EML1: variants seen among roughly 807,000 people sequenced by gnomAD.
The protein encoded by EML1 is echinoderm microtubule-associated protein-like 1.
EML1 carries 27 observed loss-of-function variants against 110.4 expected under a neutral mutation model. The ratio of observed to expected loss-of-function variants is 0.24; its 90% CI spans 0.18 to 0.34. The LOEUF (loss-of-function observed/expected upper bound fraction) is 0.34. EML1 is among the 10% of genes least tolerant of loss of function. The pLI, the probability that EML1 is intolerant of heterozygous loss-of-function variation, is 1.00. For synonymous variants in EML1, 344 were observed against 385.8 expected (o/e 0.89, Z 1.27); for missense variants, 741 against 1,030.9 (o/e 0.72, Z 3.85).
chr14:99,929,019 C>T (rs1217170730), intron 17 of EML1, among the ~76,000 whole-genome samples: 2 of 152,248 alleles, frequency 1.3e-5, no homozygotes, highest in Non-Finnish European at 2.9e-5. Flanking sequence ...GCCTCATCTG[C>T]AGCCTCTTTC....
upstream of EML1, among the ~76,000 whole-genome samples, chr14:99,769,077 G>C (rs2057396123): frequency 6.6e-6 from 1 of 152,096 alleles, no homozygotes; most frequent in Admixed American, 6.5e-5. Flanking sequence ...ACTGGTATTG[G>C]TTGGTGGTTT....
Position 99,861,524 on chromosome 14 carries a change from C to T in EML1, c.251-3990C>T, listed in dbSNP as rs570800595. Reference sequence around the variant, plus strand: ...GGAGATGGAGTATCACTCTGTTGCCCAGGCTGGAGTGCAGTGACAGGATCT... The same window carrying T: ...GGAGATGGAGTATCACTCTGTTGCCTAGGCTGGAGTGCAGTGACAGGATCT... On this transcript the variant is annotated intron_variant, in intron 2 of 21. Coordinates refer to ENST00000262233, the MANE Select transcript of EML1 (RefSeq NM_004434.3). Among the ~76,000 whole-genome samples, 4 of 152,280 alleles carry T rather than the reference C, an allele frequency of 2.6e-5. No homozygotes were observed. The South Asian group carries it at 8.3e-4, about 32-fold the overall frequency.
Position 99,826,381 on chromosome 14 carries a change from G to A in EML1, c.68-24472G>A, listed in dbSNP as rs140643658. ...GCCTCCCTCAGCCTCCCACAGTGCT[G>A]GGATTACAGGCGTGAGCCACTGTGC... On this transcript the variant is annotated intron_variant, in intron 1 of 21. Coordinates refer to ENST00000262233, the MANE Select transcript of EML1 (RefSeq NM_004434.3). Among the ~76,000 whole-genome samples, 1,038 of 152,232 alleles carry A rather than the reference G, an allele frequency of 6.8e-3. 7 individuals are homozygous for A. Among genetic ancestry groups the A allele is most frequent in the African/African-American group, 0.024 (999 of 41,520 alleles).
At chr14:99,758,997 C>T (rs1053622683) in intron 1 of EML1, among the ~76,000 whole-genome samples, 7 of 152,212 alleles carry the variant, frequency 4.6e-5, no homozygotes, top group African/African-American at 9.7e-5. Flanking sequence ...ACTTGCTTCA[C>T]GCCCATAGAT....
intron 1 of EML1, among the ~76,000 whole-genome samples, chr14:99,835,982 T>A (rs1398741504): frequency 6.6e-6 from 1 of 152,244 alleles, no homozygotes; most frequent in Admixed American, 6.5e-5. Context: ...TCCAGCTTTT[T>A]ACTCTTCTTC....
intron 5 of EML1, among the ~76,000 whole-genome samples, chr14:99,891,460 A>G (rs569451496): frequency 6.6e-6 from 1 of 152,296 alleles, no homozygotes; most frequent in South Asian, 2.1e-4. Context: ...TCCAAAACCA[A>G]CGTAAGACAT....
chr14:99,863,882 T>C (rs1363682355), intron 2 of EML1, among the ~76,000 whole-genome samples: 1 of 152,242 alleles, frequency 6.6e-6, no homozygotes, highest in Non-Finnish European at 1.5e-5. Flanking sequence ...ATGGTGAAAC[T>C]ATATTTAGCT....
upstream of EML1, among the ~76,000 whole-genome samples, chr14:99,771,294 T>A (rs942054219): frequency 1.3e-5 from 2 of 152,238 alleles, no homozygotes; most frequent in Admixed American, 1.3e-4. Context: ...TCTCTATGGT[T>A]TTGCCTATTC....
chr14:99,837,365 T>G (rs1380125155), intron 1 of EML1, among the ~76,000 whole-genome samples: 1 of 152,216 alleles, frequency 6.6e-6, no homozygotes, highest in Non-Finnish European at 1.5e-5. Context: ...TCCAGGTGTT[T>G]GAAAGCTGAT....
chr14:99,917,975 C>T (rs900162881), intron 16 of EML1, 126 bp downstream of exon 16: 4 of 915,168 alleles, frequency 4.4e-6, no homozygotes, highest in Admixed American at 5.3e-5. Context: ...TAATGACTTA[C>T]CAAGAATTAA....
upstream of EML1, among the ~76,000 whole-genome samples, chr14:99,772,031 C>T (rs182709651): frequency 4.4e-4 from 67 of 152,260 alleles, no homozygotes; most frequent in Non-Finnish European, 7.8e-4. Context: ...TGTCGATTGA[C>T]CGTTTTCTTG....
intron 1 of EML1, among the ~76,000 whole-genome samples, chr14:99,765,429 A>G (rs537200398): frequency 1.2e-4 from 19 of 152,060 alleles, no homozygotes; most frequent in Non-Finnish European, 2.5e-4. Context: ...TTCTGTCTCT[A>G]TGAATTTGAC....
intron 17 of EML1, among the ~76,000 whole-genome samples, chr14:99,932,744 C>T (rs1427141482): frequency 1.3e-5 from 2 of 151,812 alleles, no homozygotes; most frequent in African/African-American, 4.8e-5. Context: ...TTTTACTGCC[C>T]GAAAATTGTG....
At chr14:99,868,131 T>G (rs2059133609) in intron 3 of EML1, among the ~76,000 whole-genome samples, 1 of 152,246 alleles carries the variant, frequency 6.6e-6, no homozygotes, top group Non-Finnish European at 1.5e-5. Context: ...TTGATTTTTA[T>G]GTGTTGAATC....
intron 1 of EML1, among the ~76,000 whole-genome samples, chr14:99,764,819 T>C (rs1015274346): frequency 2.0e-5 from 3 of 152,194 alleles, no homozygotes; most frequent in Non-Finnish European, 2.9e-5. Context: ...TCCAAGTCAG[T>C]GTATAGGGAC....
intron 3 of EML1, among the ~76,000 whole-genome samples, chr14:99,872,967 G>A (rs768234220): frequency 1.2e-4 from 19 of 152,246 alleles, no homozygotes; most frequent in Middle Eastern, 3.4e-3. Context: ...AGTTCCCAGC[G>A]GTTGTGCTTT....
intron 1 of EML1, among the ~76,000 whole-genome samples, chr14:99,819,761 G>A (rs917131381): frequency 3.3e-5 from 5 of 152,190 alleles, no homozygotes; most frequent in Non-Finnish European, 2.9e-5. Flanking sequence ...TGCAACAGGA[G>A]CCCAGCCTCT....
chr14:99,803,151 CGTG>C (rs1461189374), intron 1 of EML1, among the ~76,000 whole-genome samples: 1 of 152,122 alleles, frequency 6.6e-6, no homozygotes, highest in African/African-American at 2.4e-5. Context: ...GTGCCTGGCA[CGTG>C]GTGAGTTTCC....
chr14:99,901,870 C>G (rs2140021954), intron 9 of EML1, among the ~76,000 whole-genome samples: 1 of 152,286 alleles, frequency 6.6e-6, no homozygotes, highest in African/African-American at 2.4e-5. Context: ...CCCAGTAGGT[C>G]TCAGCCTCAT....
Sources: allele counts gnomAD v4.1 joint callset (sites outside exome capture counted in the v4.1 genomes callset), GRCh38; gene constraint gnomAD v4.1.1; transcripts MANE v1.5; gene names NCBI Gene and HGNC (gene_info 2026-07-23, HGNC 2026-07-21).